CLTRN: variants seen among roughly 807,000 people sequenced by gnomAD.
The protein encoded by CLTRN is collectrin, amino acid transport regulator, also known as collectrin.
Under a neutral mutation model 14.5 loss-of-function variants are expected in CLTRN, and 12 were observed. That is an observed-to-expected ratio of 0.83 (90% CI 0.53 to 1.34). CLTRN has a LOEUF of 1.34. CLTRN is among the 40% of genes most tolerant of loss of function. The probability of loss-of-function intolerance (pLI) is 0.00; values close to 1 mark genes in which losing one functional copy is unlikely to be tolerated. For missense variants in CLTRN, 154 were observed against 165.1 expected, an observed-to-expected ratio of 0.93 and a Z score of 0.37; for synonymous variants, 58 against 56.5, an observed-to-expected ratio of 1.03 and a Z score of -0.12.
At chrX:15,640,251 G>T (rs1171207643) in intron 4 of CLTRN, among the ~76,000 whole-genome samples, 2 of 112,068 alleles carry the variant, frequency 1.8e-5, no homozygotes, top group Non-Finnish European at 3.8e-5. Flanking sequence ...ATGATGTGAT[G>T]ACCCCAAAGT....
chrX:15,644,284 T>C (rs974502760), intron 4 of CLTRN, among the ~76,000 whole-genome samples: 2 of 111,854 alleles, frequency 1.8e-5, no homozygotes, highest in African/African-American at 6.5e-5. Flanking sequence ...AAAACTAACA[T>C]AATGTAAATG....
upstream of CLTRN, among the ~76,000 whole-genome samples, chrX:15,665,346 G>A (rs1288218708): frequency 8.9e-6 from 1 of 111,948 alleles, no homozygotes; most frequent in Admixed American, 9.5e-5. Flanking sequence ...GGTGGGAGGA[G>A]AGAGAGGATC....
At chrX:15,638,465 G>C (rs1928866057) in intron 5 of CLTRN, among the ~76,000 whole-genome samples, 1 of 94,480 alleles carries the variant, frequency 1.1e-5, no homozygotes, top group Non-Finnish European at 2.0e-5. Flanking sequence ...GGAGCATTTA[G>C]TCAACACATA....
intron 2 of CLTRN, among the ~76,000 whole-genome samples, chrX:15,661,352 A>G (rs1192832052): frequency 4.5e-5 from 5 of 112,225 alleles, no homozygotes; most frequent in Non-Finnish European, 9.4e-5. Context: ...CAAAAACAAG[A>G]GCATAAGCTG....
rs753295306 is a variant in CLTRN, at chrX:15,670,308, AACACACAC to A, written c.-505-2380_-505-2373del. Reference sequence around the variant, plus strand: ...TAAAAAAAACAAAAACCAAAAACAAAACACACACACACACACACACACACACACACACA... The same window carrying A: ...TAAAAAAAACAAAAACCAAAAACAAAACACACACACACACACACACACACA... On this transcript the variant is annotated intron_variant, in intron 1 of 6. Transcript: ENST00000650271. Among the ~76,000 whole-genome samples the A allele has an allele frequency of 4.1e-3, 351 of 86,295 alleles. 1 individual carries two copies. Among genetic ancestry groups the A allele is most frequent in the African/African-American group, 0.012 (290 of 23,365 alleles). The allele number at this position is 86,295 out of a possible 115,157, so 74.9% of individuals were successfully genotyped here. A position where few individuals can be genotyped will look rare whatever the true frequency, so the allele number is the denominator to read the frequency against.
chrX:15,649,780 C>T (rs910540000), intron 3 of CLTRN, among the ~76,000 whole-genome samples: 1 of 110,688 alleles, frequency 9.0e-6, no homozygotes, highest in Non-Finnish European at 1.9e-5. Flanking sequence ...GTAAGAAACA[C>T]TTCTAAATCC....
chrX:15,629,397 G>C (rs1440525778), intron 5 of CLTRN, among the ~76,000 whole-genome samples: 1 of 110,599 alleles, frequency 9.0e-6, no homozygotes, highest in Non-Finnish European at 1.9e-5. Context: ...TGGTGCACAT[G>C]TACCCTAGAA....
intron 1 of CLTRN, among the ~76,000 whole-genome samples, chrX:15,673,539 C>CA (rs1437507333): frequency 8.9e-6 from 1 of 112,114 alleles, no homozygotes; most frequent in African/African-American, 3.2e-5. Flanking sequence ...ATTTTTCATG[C>CA]AAAAAATGAT....
At chrX:15,630,613 G>A (rs141012751) in intron 5 of CLTRN, among the ~76,000 whole-genome samples, 2,573 of 111,917 alleles carry the variant, frequency 0.023, 73 homozygotes, top group African/African-American at 0.076. Context: ...AACACAATAG[G>A]CAATCACTGA....
chrX:15,639,897 A>G, intron 4 of CLTRN, 141 bp from the exon 5 acceptor site: 1 of 597,664 alleles, frequency 1.7e-6, no homozygotes, highest in Non-Finnish European at 2.5e-6. Context: ...AAGTTGACTA[A>G]AAAGTTTGCT....
chrX:15,648,768 G>A (rs746372041), intron 3 of CLTRN, among the ~76,000 whole-genome samples: 1 of 108,817 alleles, frequency 9.2e-6, no homozygotes, highest in South Asian at 4.0e-4. Flanking sequence ...CTGAGATCGC[G>A]CCACTGCACT....
At chrX:15,650,888 C>A (rs1304246354) in intron 3 of CLTRN, among the ~76,000 whole-genome samples, 1 of 111,942 alleles carries the variant, frequency 8.9e-6, no homozygotes, top group Non-Finnish European at 1.9e-5. Flanking sequence ...CTGAAGGCAG[C>A]AAAGGCTGTA....
intron 3 of CLTRN, among the ~76,000 whole-genome samples, chrX:15,648,958 C>T (rs1441267205): frequency 8.9e-6 from 1 of 111,908 alleles, no homozygotes; most frequent in Non-Finnish European, 1.9e-5. Flanking sequence ...TGTAAAGAGT[C>T]ATTTAGTTAC....
chrX:15,671,839 T>TGC (rs1275175836), intron 1 of CLTRN, among the ~76,000 whole-genome samples: 265 of 66,165 alleles, frequency 4.0e-3, no homozygotes, highest in African/African-American at 0.011. Context: ...CTTAATTTTA[T>TGC]GCGCGCACAC....
chrX:15,651,474 G>A (rs1330878184), intron 3 of CLTRN, among the ~76,000 whole-genome samples: 2 of 110,778 alleles, frequency 1.8e-5, no homozygotes, highest in Non-Finnish European at 3.8e-5. Context: ...CCCAGGACAT[G>A]GGGAGGACAA....
chrX:15,648,873 T>C (rs1190985141), intron 3 of CLTRN, among the ~76,000 whole-genome samples: 1 of 111,568 alleles, frequency 9.0e-6, no homozygotes, highest in Non-Finnish European at 1.9e-5. Flanking sequence ...GGTAAAATAT[T>C]ATGCGTAGTA....
chrX:15,653,323 CTCT>C (rs1371531126), intron 3 of CLTRN, among the ~76,000 whole-genome samples: 1 of 108,881 alleles, frequency 9.2e-6, no homozygotes, highest in African/African-American at 3.4e-5. Flanking sequence ...GTGGCCTTTT[CTCT>C]TTTTTTCTTT....
intron 3 of CLTRN, among the ~76,000 whole-genome samples, chrX:15,651,033 G>C (rs914890045): frequency 2.7e-5 from 3 of 111,547 alleles, no homozygotes; most frequent in Non-Finnish European, 5.7e-5. Context: ...AGGCAACAGG[G>C]AACTGCTTCT....
At chrX:15,672,090 G>C (rs1037429955) in intron 1 of CLTRN, among the ~76,000 whole-genome samples, 24 of 112,126 alleles carry the variant, frequency 2.1e-4, no homozygotes, top group Non-Finnish European at 4.3e-4. Context: ...TTCAGAGAAA[G>C]TTAATCACTA....
Sources: allele counts gnomAD v4.1 joint callset (sites outside exome capture counted in the v4.1 genomes callset), GRCh38; gene constraint gnomAD v4.1.1; transcripts MANE v1.5; gene names NCBI Gene and HGNC (gene_info 2026-07-23, HGNC 2026-07-21).